Variants in TESK2 observed in about 807,000 individuals in gnomAD.
TESK2 encodes the protein testis associated actin remodelling kinase 2.
In TESK2, 39 loss-of-function variants were observed where a neutral mutation model predicts 57.1. The observed-to-expected ratio is 0.68, with a 90% CI of 0.53 to 0.89. TESK2 has a LOEUF of 0.89. TESK2 is among the 40% of genes least tolerant of loss of function. TESK2 has a pLI of 0.00. For missense variants in TESK2, 646 were observed against 732.1 expected (o/e 0.88, Z 1.36); for synonymous variants, 249 against 267.9 (o/e 0.93, Z 0.69).
At chr1:45,376,440 T>C (rs1326324883) in intron 4 of TESK2, among the ~76,000 whole-genome samples, 1 of 151,664 alleles carries the variant, frequency 6.6e-6, no homozygotes, top group Admixed American at 6.6e-5. Context: ...GCTGGTCTTG[T>C]ACTCCTGACC....
chr1:45,372,552 C>T (rs971272700), intron 4 of TESK2, among the ~76,000 whole-genome samples: 7 of 151,918 alleles, frequency 4.6e-5, no homozygotes, highest in Admixed American at 4.6e-4. Flanking sequence ...GCACTCCAGC[C>T]TGGGTGACAG....
intron 4 of TESK2, among the ~76,000 whole-genome samples, chr1:45,356,652 T>G (rs114132826): frequency 1.8e-3 from 272 of 148,392 alleles, no homozygotes; most frequent in African/African-American, 6.5e-3. Flanking sequence ...TGAGTTCAGC[T>G]GGGAGAAGTT....
At chr1:45,405,618 C>T (rs1394299531) in intron 3 of TESK2, among the ~76,000 whole-genome samples, 1 of 150,130 alleles carries the variant, frequency 6.7e-6, no homozygotes, top group Non-Finnish European at 1.5e-5. Flanking sequence ...GTGGTGAAAC[C>T]CCATCTCTAA....
intron 4 of TESK2, among the ~76,000 whole-genome samples, chr1:45,373,614 G>T (rs1179316327): frequency 6.6e-6 from 1 of 152,164 alleles, no homozygotes; most frequent in African/African-American, 2.4e-5. Flanking sequence ...ACAAGCAATT[G>T]CATTGAAATG....
intron 1 of TESK2, among the ~76,000 whole-genome samples, chr1:45,464,831 TG>T (rs767518320): frequency 1.1e-4 from 16 of 152,312 alleles, no homozygotes; most frequent in South Asian, 4.1e-4. Context: ...CAGGGCACAG[TG>T]GCTAACTCCT....
At chr1:45,349,505 T>C (rs1647203256) in intron 5 of TESK2, among the ~76,000 whole-genome samples, 2 of 152,210 alleles carry the variant, frequency 1.3e-5, no homozygotes, top group South Asian at 2.1e-4. Context: ...AGCTCAGATA[T>C]GTCACCTATG....
At chr1:45,461,160 T>G (rs1044587753) in intron 1 of TESK2, among the ~76,000 whole-genome samples, 2 of 107,458 alleles carry the variant, frequency 1.9e-5, no homozygotes, top group Non-Finnish European at 4.0e-5. Flanking sequence ...CCCTGGCCAC[T>G]GTTTTTTTTT....
At chr1:45,424,176 T>A (rs1381028582) in intron 2 of TESK2, among the ~76,000 whole-genome samples, 1 of 152,212 alleles carries the variant, frequency 6.6e-6, no homozygotes, top group Non-Finnish European at 1.5e-5. Context: ...GACAACTTAC[T>A]TAAACTCTTC....
rs1282742699 is a variant in TESK2 at position 45,405,636 on chromosome 1, ATC to A, written c.344+16087_344+16088del. On this transcript the variant is annotated intron_variant, in intron 3 of 10. Transcript: ENST00000372086. Reference sequence around the variant, plus strand: ...GTGAAACCCCATCTCTAAAAAATATATCTATATCTATATCTATATATAGATAT... The same window carrying A: ...GTGAAACCCCATCTCTAAAAAATATATATATCTATATCTATATATAGATAT... Among the ~76,000 whole-genome samples the A allele has an allele frequency of 1.2e-3, 172 of 146,040 alleles. 2 individuals are homozygous for A. The Middle Eastern group carries it at 0.029, about 24-fold the overall frequency.
intron 4 of TESK2, among the ~76,000 whole-genome samples, chr1:45,359,936 T>TTTTA (rs1214517076): frequency 6.6e-6 from 1 of 152,128 alleles, no homozygotes; most frequent in Non-Finnish European, 1.5e-5. Context: ...TTTTCTGATG[T>TTTTA]GGTAATAATA....
intron 1 of TESK2, among the ~76,000 whole-genome samples, chr1:45,459,472 T>G (rs1005148159): frequency 6.6e-6 from 1 of 152,188 alleles, no homozygotes. Flanking sequence ...ACAAAACATT[T>G]AAGTACCTCT....
At chr1:45,426,482 G>C (rs992795077) in intron 2 of TESK2, among the ~76,000 whole-genome samples, 1 of 152,092 alleles carries the variant, frequency 6.6e-6, no homozygotes, top group African/African-American at 2.4e-5. Flanking sequence ...TTCGATCTAG[G>C]ACCTCAAACT....
At chr1:45,427,818 C>T (rs867413933) in intron 2 of TESK2, among the ~76,000 whole-genome samples, 4 of 151,954 alleles carry the variant, frequency 2.6e-5, no homozygotes, top group African/African-American at 4.8e-5. Context: ...AAAAATATAG[C>T]TTGATAGAAT....
At chr1:45,466,789 A>G (rs1380861065) in intron 1 of TESK2, among the ~76,000 whole-genome samples, 1 of 151,502 alleles carries the variant, frequency 6.6e-6, no homozygotes, top group African/African-American at 2.4e-5. Context: ...ATATGAACTT[A>G]GATATGTTAT....
intron 1 of TESK2, among the ~76,000 whole-genome samples, chr1:45,478,154 A>G (rs1471717228): frequency 6.6e-6 from 1 of 152,168 alleles, no homozygotes; most frequent in Non-Finnish European, 1.5e-5. Context: ...GAGAATTGCT[A>G]TATTTGTAGA....
chr1:45,400,629 G>T (rs1261291641), intron 3 of TESK2, among the ~76,000 whole-genome samples: 2 of 152,162 alleles, frequency 1.3e-5, no homozygotes, highest in Non-Finnish European at 2.9e-5. Context: ...TTCGCATTCA[G>T]TCAGTCAAAT....
At chr1:45,385,379 A>T in intron 4 of TESK2, 1 of 982,982 alleles carries the variant, frequency 1.0e-6, no homozygotes, top group Non-Finnish European at 1.2e-6. Context: ...GCTGGAAATG[A>T]AACGAGAATG....
chr1:45,446,782 T>C (rs1570739732), intron 2 of TESK2, among the ~76,000 whole-genome samples: 1 of 152,180 alleles, frequency 6.6e-6, no homozygotes. Context: ...CTAAGGCAGG[T>C]ACAGGGCAAA....
At chr1:45,426,096 A>G (rs992428980) in intron 2 of TESK2, among the ~76,000 whole-genome samples, 2 of 152,160 alleles carry the variant, frequency 1.3e-5, no homozygotes, top group Non-Finnish European at 2.9e-5. Flanking sequence ...GGTTGCAGTG[A>G]GCCAAGATTG....
Sources: gnomAD v4.1 joint callset for allele counts (sites outside exome capture counted in the v4.1 genomes callset) on GRCh38, gnomAD v4.1.1 for gene constraint, MANE v1.5 for transcripts, NCBI Gene and HGNC (gene_info 2026-07-23, HGNC 2026-07-21) for gene names.